The following VWA3B variants were observed in gnomAD, a reference collection of about 807,000 sequenced individuals.
VWA3B encodes von Willebrand factor A domain containing 3B, also known as von Willebrand factor A domain-containing protein 3B.
Under a neutral mutation model 158.3 loss-of-function variants are expected in VWA3B, and 138 were observed. The ratio of observed to expected loss-of-function variants is 0.87; its 90% CI spans 0.76 to 1.00. The LOEUF (loss-of-function observed/expected upper bound fraction) is 1.00, where lower values mean the gene tolerates loss of function less well. Among genes scored for constraint, VWA3B ranks in the 50% least tolerant of loss-of-function variants. VWA3B has a pLI of 0.00. For missense variants in VWA3B, 1,555 were observed against 1,565.1 expected, an observed-to-expected ratio of 0.99 and a Z score of 0.11; for synonymous variants, 596 against 587.3, an observed-to-expected ratio of 1.01 and a Z score of -0.21.
rs1381131246 is a variant in VWA3B at position 98,119,862 on chromosome 2, G to T, written c.542+99G>T. 3.5e-6 allele frequency: 5 copies of T among 1,410,906 alleles called. No homozygotes were observed. In the East Asian group the frequency reaches 1.1e-4, roughly 32 times the overall value. The allele number at this position is 1,410,906 out of a possible 1,614,324, so 87.4% of individuals were successfully genotyped here. ...CAGCTGACACAGTTAGCTCTCTGGT[G>T]AGGGAAGAGGCATTATCTTATACTT... On this transcript the variant is annotated intron_variant, in intron 4 of 27. Transcript: ENST00000477737.
intron 7 of VWA3B, among the ~76,000 whole-genome samples, chr2:98,151,331 C>T (rs980120006): frequency 6.6e-5 from 10 of 152,192 alleles, no homozygotes; most frequent in South Asian, 2.1e-4. Context: ...AGGCTGGTCT[C>T]TTACCTTTAG....
intron 13 of VWA3B, 88 bp downstream of exon 13, chr2:98,212,116 C>T: frequency 1.7e-6 from 2 of 1,151,952 alleles, no homozygotes; most frequent in East Asian, 4.8e-5. Context: ...TTTTCAGCTG[C>T]CACCAAAAAT....
chr2:98,212,670 G>C (rs1683631810), intron 13 of VWA3B, among the ~76,000 whole-genome samples: 1 of 152,234 alleles, frequency 6.6e-6, no homozygotes, highest in Non-Finnish European at 1.5e-5. Flanking sequence ...GAGATGGTTT[G>C]CATATGCAGA....
chr2:98,249,286 G>A (rs1686640284), intron 19 of VWA3B, among the ~76,000 whole-genome samples: 1 of 152,136 alleles, frequency 6.6e-6, no homozygotes, highest in African/African-American at 2.4e-5. Flanking sequence ...TAGGAATACA[G>A]TAGTGAATAG....
intron 7 of VWA3B, among the ~76,000 whole-genome samples, chr2:98,158,271 C>T (rs1678264473): frequency 6.6e-6 from 1 of 151,944 alleles, no homozygotes; most frequent in African/African-American, 2.4e-5. Flanking sequence ...GACACTGTCC[C>T]TATGCTTAAG....
chr2:98,188,267 G>T (rs997709310), intron 10 of VWA3B, 138 bp downstream of exon 10: 2 of 1,167,710 alleles, frequency 1.7e-6, no homozygotes, highest in Middle Eastern at 3.0e-4. Context: ...GTGATATTTA[G>T]GTGTGTGTAT....
In VWA3B at chr2:98,272,092, C is replaced by T. The variant is rs373856715; in HGVS notation, c.3045+1209C>T. 5.1e-4 allele frequency among the ~76,000 whole-genome samples: 77 copies of T among 152,354 alleles called. 1 individual carries two copies. The South Asian group carries it at 0.016, about 32-fold the overall frequency. ...ACCGGTTGGTTCTCCTCCAATTCAA[C>T]TCTGACACTACCTACCTAGAGATGA... On this transcript the variant is annotated intron_variant, in intron 22 of 27. Transcript: ENST00000477737.
intron 19 of VWA3B, 40 bp from the exon 20 acceptor site, chr2:98,250,278 A>G: frequency 2.6e-6 from 4 of 1,541,562 alleles, no homozygotes; most frequent in Non-Finnish European, 3.6e-6. Flanking sequence ...GCATTAACCT[A>G]TCAAGTGACA....
intron 5 of VWA3B, 99 bp from the exon 6 acceptor site, chr2:98,128,140 T>C: frequency 6.9e-7 from 1 of 1,441,700 alleles, no homozygotes; most frequent in Non-Finnish European, 9.5e-7. Flanking sequence ...CTGCCCATTT[T>C]TTCTAAGAGA....
intron 19 of VWA3B, chr2:98,245,353 C>T (rs1471247768): frequency 1.2e-5 from 4 of 327,512 alleles, no homozygotes; most frequent in South Asian, 4.9e-5. Flanking sequence ...TATGAGAATG[C>T]CCCTTATGAC....
At chr2:98,110,438 A>G (rs1476598287) in intron 2 of VWA3B, among the ~76,000 whole-genome samples, 1 of 151,986 alleles carries the variant, frequency 6.6e-6, no homozygotes, top group Non-Finnish European at 1.5e-5. Flanking sequence ...GCCATTAAGT[A>G]TGTTTATGGT....
intron 16 of VWA3B, 146 bp downstream of exon 16, chr2:98,230,353 T>C (rs1685252466): frequency 2.4e-6 from 2 of 831,464 alleles, no homozygotes; most frequent in African/African-American, 3.5e-5. Context: ...TAATTGTACA[T>C]TCACATGATC....
chr2:98,218,354 A>G (rs1305597690), intron 14 of VWA3B, among the ~76,000 whole-genome samples: 1 of 152,212 alleles, frequency 6.6e-6, no homozygotes, highest in Non-Finnish European at 1.5e-5. Context: ...AATATTACAC[A>G]AAATAGAAGC....
rs756816190 is a variant in VWA3B, at chr2:98,250,340, G to A, written c.2696G>A (p.Cys899Tyr). Residue 899 changes from cysteine (C) to tyrosine (Y), a missense_variant, in exon 20 of 28, where the codon TGC (cysteine) becomes TAC (tyrosine). By Grantham distance (194) the Cys-to-Tyr change is radical. Transcript: ENST00000477737. ...FDEVFPLAHV[C>Y]NDTNKMTLIN... is the part of the protein sequence containing the mutation. ...CAGGTGTTCCCTCTGGCACATGTGT[G>A]CAACGACACAAATAAGATGACATTA... The A allele has an allele frequency of 1.2e-6, 2 of 1,612,826 alleles. No homozygotes were observed. Among genetic ancestry groups the A allele is most frequent in the South Asian group, 1.1e-5 (1 of 90,782 alleles).
rs1558789460 is a variant in VWA3B at position 98,313,185 on chromosome 2, T to A, written c.*836T>A. 1 of 151,974 alleles carries A rather than the reference T, an allele frequency of 6.6e-6. No individual in the cohort carries two copies. The highest frequency in any genetic ancestry group is 1.5e-5 in the Non-Finnish European group (1 of 68,020). The allele number at this position is 151,974 out of a possible 1,614,324, so 9.4% of individuals were successfully genotyped here. Reference sequence around the variant, plus strand: ...GGGCTGAGTTCTGATACTCTAAAAATTTACAATCTAATTAAAAGTGGCATT... The same window carrying A: ...GGGCTGAGTTCTGATACTCTAAAAAATTACAATCTAATTAAAAGTGGCATT... On this transcript the variant is annotated 3_prime_UTR_variant, in exon 28 of 28. Transcript: ENST00000477737.
chr2:98,181,407 C>T lies in VWA3B; in HGVS notation c.1311+195C>T, dbSNP rs546143033. Among the ~76,000 whole-genome samples, 3 of 152,242 alleles carry T rather than the reference C, an allele frequency of 2.0e-5. No individual in the cohort carries two copies. The South Asian group carries it at 6.2e-4, about 32-fold the overall frequency. Reference sequence around the variant, plus strand: ...GCATCTGTGGGAGTGGAGATCAAGGCTGGGAATGAGTTCTAGACATCAGTG... The same window carrying T: ...GCATCTGTGGGAGTGGAGATCAAGGTTGGGAATGAGTTCTAGACATCAGTG... On this transcript the variant is annotated intron_variant, in intron 9 of 27. Coordinates refer to ENST00000477737, the MANE Select transcript of VWA3B (RefSeq NM_144992.5).
chr2:98,236,926 A>G, intron 19 of VWA3B, 196 bp downstream of exon 19: 1 of 662,592 alleles, frequency 1.5e-6, no homozygotes, highest in Non-Finnish European at 2.4e-6. Context: ...CTGTAACCCC[A>G]GCACTTGGGA....
chr2:98,324,341 T>C, the VWA3B span, among the ~76,000 whole-genome samples: 1 of 152,178 alleles, frequency 6.6e-6, no homozygotes, highest in East Asian at 1.9e-4. Flanking sequence ...TTTTGTATTT[T>C]TAGTAGAGAT....
chr2:98,175,125 A>G (rs1179528692), intron 8 of VWA3B, among the ~76,000 whole-genome samples: 1 of 152,224 alleles, frequency 6.6e-6, no homozygotes, highest in Non-Finnish European at 1.5e-5. Flanking sequence ...TGAGGCATGC[A>G]AAGAAATAAA....
Sources: gnomAD v4.1 joint callset for allele counts (sites outside exome capture counted in the v4.1 genomes callset) on GRCh38, gnomAD v4.1.1 for gene constraint, MANE v1.5 for transcripts, NCBI Gene and HGNC (gene_info 2026-07-23, HGNC 2026-07-21) for gene names.